The following FARS2 variants were observed in gnomAD, a reference collection of about 807,000 sequenced individuals.
The protein encoded by FARS2 is phenylalanine--tRNA ligase, mitochondrial.
A neutral mutation model predicts 46.4 loss-of-function variants in FARS2; 40 were observed. That is an observed-to-expected ratio of 0.86 (90% CI 0.67 to 1.12). The LOEUF is 1.12. Among genes scored for constraint, FARS2 ranks in the 50% most tolerant of loss-of-function variants. FARS2 has a pLI of 0.00. For missense variants in FARS2, 513 were observed against 567.9 expected (o/e 0.90, Z 0.98); for synonymous variants, 234 against 214.9 (o/e 1.09, Z -0.78).
chr6:5,390,822 T>C (rs1581964510), intron 2 of FARS2, among the ~76,000 whole-genome samples: 1 of 152,186 alleles, frequency 6.6e-6, no homozygotes, highest in African/African-American at 2.4e-5. Flanking sequence ...TCACATGGCC[T>C]CTAACCACAC....
chr6:5,674,646 A>T (rs919148300), intron 6 of FARS2, among the ~76,000 whole-genome samples: 2 of 152,022 alleles, frequency 1.3e-5, no homozygotes, highest in Non-Finnish European at 2.9e-5. Context: ...TGAATGCCTG[A>T]TTTCTCTTTG....
intron 6 of FARS2, among the ~76,000 whole-genome samples, chr6:5,685,640 C>G (rs1582757281): frequency 6.6e-6 from 1 of 152,286 alleles, no homozygotes; most frequent in East Asian, 1.9e-4. Flanking sequence ...TTAAATTCTA[C>G]CTGGAGTAGA....
At chr6:5,269,092 T>C (rs1490543197) in intron 1 of FARS2, among the ~76,000 whole-genome samples, 2 of 152,330 alleles carry the variant, frequency 1.3e-5, no homozygotes, top group East Asian at 1.9e-4. Context: ...CCAACCCAAA[T>C]GTCCATCAAT....
At chr6:5,391,600 G>T (rs755959574) in intron 2 of FARS2, among the ~76,000 whole-genome samples, 3 of 151,902 alleles carry the variant, frequency 2.0e-5, no homozygotes, top group Non-Finnish European at 4.4e-5. Flanking sequence ...GTATAAAAAT[G>T]ACTACTTTGG....
At chr6:5,719,433 G>GAGA (rs1759733817) in intron 6 of FARS2, among the ~76,000 whole-genome samples, 1 of 13,608 alleles carries the variant, frequency 7.3e-5, no homozygotes, top group Non-Finnish European at 1.5e-4. Context: ...GAAAAAGAAA[G>GAGA]GAAAGAAAGA....
chr6:5,770,489 A>G (rs1182580710), intron 6 of FARS2, among the ~76,000 whole-genome samples: 1 of 152,146 alleles, frequency 6.6e-6, no homozygotes, highest in East Asian at 1.9e-4. Flanking sequence ...AAGAAGAGAA[A>G]TGTGAGCATT....
In FARS2 at chr6:5,509,374, C is replaced by T. The variant is rs183380198; in HGVS notation, c.905-35806C>T. On this transcript the variant is annotated intron_variant, in intron 4 of 6. Transcript: ENST00000274680. The stretch of plus-strand genomic sequence containing the variant: ...CAAGGTTTGATTAAAGCAGCGGCCC[C>T]TCCGTCTGGTGAATGGCTCCTAGTT... Among the ~76,000 whole-genome samples the T allele has an allele frequency of 1.1e-3, 169 of 152,338 alleles. 1 individual carries two copies. The highest frequency in any genetic ancestry group is 3.4e-3 in the Middle Eastern group (1 of 294).
At chr6:5,675,940 T>C (rs1778745359) in intron 6 of FARS2, among the ~76,000 whole-genome samples, 1 of 152,222 alleles carries the variant, frequency 6.6e-6, no homozygotes, top group Admixed American at 6.5e-5. Flanking sequence ...ATATGCTGCA[T>C]TGAACCCAAG....
chr6:5,369,851 C>A (rs1216478845), intron 2 of FARS2, among the ~76,000 whole-genome samples: 1 of 151,612 alleles, frequency 6.6e-6, no homozygotes, highest in Non-Finnish European at 1.5e-5. Flanking sequence ...TAGATGTTAT[C>A]CTAATACGTT....
At chr6:5,556,418 A>C (rs996751235) in intron 5 of FARS2, among the ~76,000 whole-genome samples, 29 of 152,078 alleles carry the variant, frequency 1.9e-4, no homozygotes, top group Middle Eastern at 3.4e-3. Context: ...CCTGATTCTC[A>C]GTCCCTTGTA....
chr6:5,509,464 T>C (rs1768298717), intron 4 of FARS2, among the ~76,000 whole-genome samples: 2 of 152,244 alleles, frequency 1.3e-5, no homozygotes, highest in Admixed American at 1.3e-4. Flanking sequence ...AAGTGAGTTG[T>C]TCCTGGTAGG....
At chr6:5,432,342 AT>A (rs1399411014) in intron 4 of FARS2, among the ~76,000 whole-genome samples, 1 of 34,244 alleles carries the variant, frequency 2.9e-5, no homozygotes, top group African/African-American at 8.3e-5. Flanking sequence ...ATATATATAT[AT>A]ATATATATTA....
chr6:5,672,706 A>G (rs1337746616), intron 6 of FARS2, among the ~76,000 whole-genome samples: 1 of 152,130 alleles, frequency 6.6e-6, no homozygotes, highest in African/African-American at 2.4e-5. Context: ...ATTGTAGCTG[A>G]GTCACTGCTT....
intron 6 of FARS2, among the ~76,000 whole-genome samples, chr6:5,635,978 A>C (rs548344709): frequency 3.3e-5 from 5 of 152,226 alleles, no homozygotes; most frequent in Non-Finnish European, 7.3e-5. Context: ...ATGGTAAAAA[A>C]AATTTCCAAA....
At chr6:5,353,485 TC>T (rs1403114651) in intron 1 of FARS2, among the ~76,000 whole-genome samples, 1 of 152,174 alleles carries the variant, frequency 6.6e-6, no homozygotes, top group Non-Finnish European at 1.5e-5. Context: ...CTTACTGTTT[TC>T]CATAGTGGCT....
At chr6:5,637,957 G>A (rs1055409567) in intron 6 of FARS2, among the ~76,000 whole-genome samples, 5 of 152,116 alleles carry the variant, frequency 3.3e-5, no homozygotes, top group East Asian at 3.9e-4. Context: ...TGCAACATAC[G>A]AATTTTGGGA....
intron 6 of FARS2, among the ~76,000 whole-genome samples, chr6:5,751,365 T>C (rs1372013117): frequency 6.6e-6 from 1 of 152,114 alleles, no homozygotes; most frequent in Non-Finnish European, 1.5e-5. Context: ...ATAATACAAA[T>C]GCATCAATTC....
At chr6:5,323,672 C>T (rs1770145642) in intron 1 of FARS2, among the ~76,000 whole-genome samples, 1 of 152,178 alleles carries the variant, frequency 6.6e-6, no homozygotes, top group Non-Finnish European at 1.5e-5. Context: ...CTCATTCCTG[C>T]TGGGCCTGAG....
At chr6:5,690,099 C>T (rs1294723221) in intron 6 of FARS2, among the ~76,000 whole-genome samples, 8 of 152,110 alleles carry the variant, frequency 5.3e-5, no homozygotes, top group South Asian at 2.1e-4. Context: ...TGTCTCTGCA[C>T]GTGAGATGGT....
Sources: gnomAD v4.1 joint callset for allele counts (sites outside exome capture counted in the v4.1 genomes callset) on GRCh38, gnomAD v4.1.1 for gene constraint, MANE v1.5 for transcripts, NCBI Gene and HGNC (gene_info 2026-07-23, HGNC 2026-07-21) for gene names.